DRG1: variants seen among roughly 807,000 people sequenced by gnomAD.
DRG1 encodes developmentally-regulated GTP-binding protein 1.
A neutral mutation model predicts 38.8 loss-of-function variants in DRG1; 19 were observed. That is an observed-to-expected ratio of 0.49 (90% confidence interval 0.34 to 0.72). DRG1 has a LOEUF of 0.72. Ranked by LOEUF, DRG1 falls within the 30% of genes least tolerant of loss-of-function variation. DRG1 has a pLI of 0.01. For missense variants in DRG1, 299 were observed against 444.8 expected (o/e 0.67, Z 2.95); for synonymous variants, 167 against 157.5 (o/e 1.06, Z -0.45).
intron 3 of DRG1, among the ~76,000 whole-genome samples, chr22:31,410,746 C>CA (rs1444088954): frequency 6.6e-6 from 1 of 151,364 alleles, no homozygotes; most frequent in Non-Finnish European, 1.5e-5. Context: ...ACCCGAGAGG[C>CA]AGAGGTTGCA....
chr22:31,401,055 C>T (rs2049958188), intron 2 of DRG1, among the ~76,000 whole-genome samples: 1 of 151,804 alleles, frequency 6.6e-6, no homozygotes, highest in South Asian at 2.1e-4. Flanking sequence ...TTTATTCTGC[C>T]GGTTTCAGAG....
intron 6 of DRG1, among the ~76,000 whole-genome samples, chr22:31,424,854 G>A (rs1451841906): frequency 7.7e-6 from 1 of 129,474 alleles, no homozygotes; most frequent in African/African-American, 3.0e-5. Context: ...CCAGGCTGGA[G>A]TGCAGTGGCA....
rs780301658 is a variant in DRG1 at position 31,399,722 on chromosome 22, A to G, written c.39A>G (p.Ala13=). The stretch of plus-strand genomic sequence containing the variant: ...TAGCTAAGATCGCGGAGATAGAAGC[A>G]GAGGTAATGGACGCAGCTGGCGGTT... ...STLAKIAEIE[A]EMARTQKNKA... is the part of the protein sequence containing the mutation. The change falls in exon 1 of 9, where the codon GCA becomes GCG. Residue 13 remains alanine (A), a synonymous_variant. Coordinates refer to ENST00000331457, the MANE Select transcript of DRG1 (RefSeq NM_004147.4). The G allele has an allele frequency of 1.2e-6, 2 of 1,613,988 alleles. No homozygotes were observed. Among genetic ancestry groups the G allele is most frequent in the Admixed American group, 3.3e-5 (2 of 60,008 alleles).
intron 5 of DRG1, among the ~76,000 whole-genome samples, chr22:31,422,331 T>A (rs2050081490): frequency 1.3e-5 from 2 of 150,474 alleles, no homozygotes; most frequent in Non-Finnish European, 2.9e-5. Flanking sequence ...CTTCGGAGGC[T>A]GAGGCAGGAG....
chr22:31,427,056 C>G lies in DRG1; in HGVS notation c.882-4C>G, dbSNP rs569718179. On this transcript the variant is annotated splice_polypyrimidine_tract_variant and splice_region_variant and intron_variant, in intron 7 of 8. Transcript: ENST00000331457. ...CAGTAATCTTTATGCCCTCTCTATT[C>G]TAGTTACACCAAACCCAAAGGCCAG... The G allele has an allele frequency of 6.2e-7, 1 of 1,613,868 alleles. No homozygotes were observed. Among genetic ancestry groups the G allele is most frequent in the Non-Finnish European group, 8.5e-7 (1 of 1,179,876 alleles).
chr22:31,406,676 G>GAA (rs763887549), intron 3 of DRG1, among the ~76,000 whole-genome samples: 7 of 136,120 alleles, frequency 5.1e-5, no homozygotes, highest in Non-Finnish European at 4.8e-5. Flanking sequence ...CCCTGTCCCG[G>GAA]AAAAAAAAAA....
chr22:31,427,837 G>GATTC (rs1328593509), intron 8 of DRG1, among the ~76,000 whole-genome samples: 1 of 151,918 alleles, frequency 6.6e-6, no homozygotes, highest in Non-Finnish European at 1.5e-5. Context: ...GGGTTCAAGT[G>GATTC]ATTCTCCTGC....
At chr22:31,403,290 C>G in intron 3 of DRG1, 86 bp downstream of exon 3, 1 of 1,396,916 alleles carries the variant, frequency 7.2e-7, no homozygotes, top group Non-Finnish European at 9.6e-7. Flanking sequence ...GTATGCCAGG[C>G]CTGATCTTTG....
chr22:31,426,365 C>CTTGT (rs1206319366), intron 6 of DRG1: 8 of 372,618 alleles, frequency 2.1e-5, no homozygotes, highest in South Asian at 1.9e-4. Context: ...CACTTCAAAG[C>CTTGT]TTGTGTTCTT....
chr22:31,429,226 C>T (rs936453715), intron 8 of DRG1, among the ~76,000 whole-genome samples: 2 of 152,004 alleles, frequency 1.3e-5, no homozygotes, highest in Admixed American at 1.3e-4. Context: ...TCAAGCAATT[C>T]TTCTGCCTCA....
chr22:31,429,528 G>A (rs952756031), intron 8 of DRG1, among the ~76,000 whole-genome samples: 21 of 152,022 alleles, frequency 1.4e-4, no homozygotes, highest in African/African-American at 4.6e-4. Flanking sequence ...ATCAGTATGA[G>A]CTCTTGGTTA....
chr22:31,406,481 T>C (rs2049990771), intron 3 of DRG1, among the ~76,000 whole-genome samples: 1 of 152,110 alleles, frequency 6.6e-6, no homozygotes, highest in East Asian at 1.9e-4. Context: ...TCATTTTGTA[T>C]AAACTTTTTG....
intron 4 of DRG1, among the ~76,000 whole-genome samples, chr22:31,412,728 C>T (rs1467258600): frequency 3.3e-5 from 5 of 151,224 alleles, no homozygotes; most frequent in Non-Finnish European, 4.4e-5. Context: ...ACACTCCCAT[C>T]ACCTAGCCTG....
At chr22:31,409,162 G>A (rs2050005280) in intron 3 of DRG1, among the ~76,000 whole-genome samples, 1 of 152,090 alleles carries the variant, frequency 6.6e-6, no homozygotes, top group Non-Finnish European at 1.5e-5. Context: ...TCGGCTCACT[G>A]CAACCTTCGA....
In DRG1 at chr22:31,433,950, C is replaced by A. The variant is rs373798088; in HGVS notation, c.1083C>A (p.Val361=). The A allele has an allele frequency of 2.5e-6, 4 of 1,613,916 alleles. No individual in the cohort carries two copies. The African/African-American group carries it at 5.3e-5, about 22-fold the overall frequency. Residue 361 remains valine, a synonymous_variant, in exon 9 of 9, where the codon GTC becomes GTA. Transcript: ENST00000331457. ...GKDHTLEDED[V]IQIVKK ...ACCATACGTTGGAGGATGAGGATGT[C>A]ATTCAAATTGTGAAGAAGTGAAACC...
At chr22:31,420,229 T>C in intron 4 of DRG1, 27 bp from the exon 5 acceptor site, 3 of 1,606,470 alleles carry the variant, frequency 1.9e-6, no homozygotes, top group Non-Finnish European at 2.6e-6. Context: ...TGAACTTTCT[T>C]GCGTATGTTT....
intron 7 of DRG1, 67 bp downstream of exon 7, chr22:31,426,849 C>T: frequency 6.4e-7 from 1 of 1,552,694 alleles, no homozygotes; most frequent in Non-Finnish European, 8.7e-7. Context: ...ATGATACTTT[C>T]TGGAGCTCAT....
chr22:31,415,005 G>A (rs145676396), intron 4 of DRG1, among the ~76,000 whole-genome samples: 4 of 152,052 alleles, frequency 2.6e-5, no homozygotes, highest in South Asian at 2.1e-4. Context: ...CGAAAACCCC[G>A]GGCTCGAGAG....
intron 4 of DRG1, among the ~76,000 whole-genome samples, chr22:31,411,535 T>C (rs1047841731): frequency 1.1e-4 from 16 of 150,666 alleles, no homozygotes; most frequent in East Asian, 5.8e-4. Context: ...CTTTTCTTTT[T>C]TTTTTTTTTT....
Sources: allele counts gnomAD v4.1 joint callset (sites outside exome capture counted in the v4.1 genomes callset), GRCh38; gene constraint gnomAD v4.1.1; transcripts MANE v1.5; gene names NCBI Gene and HGNC (gene_info 2026-07-23, HGNC 2026-07-21).